Variants in ST6GALNAC3 observed in about 807,000 individuals in gnomAD.
The protein encoded by ST6GALNAC3 is ST6 N-acetylgalactosaminide alpha-2,6-sialyltransferase 3.
ST6GALNAC3 carries 25 observed loss-of-function variants against 32.7 expected under a neutral mutation model. The observed-to-expected ratio is 0.76, with a 90% CI of 0.56 to 1.07. The LOEUF is 1.07. ST6GALNAC3 is among the 50% of genes least tolerant of loss of function. The pLI, the probability that ST6GALNAC3 is intolerant of heterozygous loss-of-function variation, is 0.00. For synonymous variants in ST6GALNAC3, 129 were observed against 133.1 expected, an observed-to-expected ratio of 0.97 and a Z score of 0.21; for missense variants, 355 against 382.4, an observed-to-expected ratio of 0.93 and a Z score of 0.60.
intron 2 of ST6GALNAC3, 93 bp downstream of exon 2, chr1:76,314,092 C>A: frequency 4.0e-6 from 5 of 1,247,364 alleles, no homozygotes; most frequent in Non-Finnish European, 5.5e-6. Flanking sequence ...ACTGAACTTA[C>A]TCTGTCTGCC....
chr1:76,526,542 G>A (rs1662923515), intron 3 of ST6GALNAC3, among the ~76,000 whole-genome samples: 1 of 152,020 alleles, frequency 6.6e-6, no homozygotes, highest in African/African-American at 2.4e-5. Flanking sequence ...TGTTGACTCA[G>A]TGAGGTAGAA....
intron 3 of ST6GALNAC3, among the ~76,000 whole-genome samples, chr1:76,415,803 T>G (rs1025713002): frequency 6.6e-6 from 1 of 152,108 alleles, no homozygotes; most frequent in Admixed American, 6.6e-5. Context: ...TGGATTGGTC[T>G]TTGTTTCTTG....
chr1:76,479,045 A>G (rs114970002), intron 3 of ST6GALNAC3, among the ~76,000 whole-genome samples: 3,007 of 152,136 alleles, frequency 0.02, 44 homozygotes, highest in East Asian at 0.061. Flanking sequence ...TTACAGGCGT[A>G]ACCCACCATG....
intron 1 of ST6GALNAC3, among the ~76,000 whole-genome samples, chr1:76,082,909 A>C (rs1484707188): frequency 2.6e-5 from 4 of 151,930 alleles, no homozygotes; most frequent in Non-Finnish European, 2.9e-5. Flanking sequence ...TTCTCTGTGC[A>C]CACATAGCAA....
At chr1:76,428,960 A>T (rs774730434) in intron 3 of ST6GALNAC3, among the ~76,000 whole-genome samples, 1 of 152,138 alleles carries the variant, frequency 6.6e-6, no homozygotes, top group Non-Finnish European at 1.5e-5. Context: ...AAGAACCTTA[A>T]CTTTATAATG....
intron 1 of ST6GALNAC3, among the ~76,000 whole-genome samples, chr1:76,283,586 C>T (rs1377095732): frequency 6.6e-6 from 1 of 152,182 alleles, no homozygotes; most frequent in Non-Finnish European, 1.5e-5. Context: ...TGTGCTTCTC[C>T]ATGTCTTGCC....
intron 1 of ST6GALNAC3, among the ~76,000 whole-genome samples, chr1:76,268,376 G>A (rs1022309063): frequency 6.6e-6 from 1 of 152,182 alleles, no homozygotes; most frequent in African/African-American, 2.4e-5. Flanking sequence ...AGATTTAAGA[G>A]AGAGAAAGCA....
intron 3 of ST6GALNAC3, among the ~76,000 whole-genome samples, chr1:76,436,050 C>G (rs1656121829): frequency 6.6e-6 from 1 of 151,990 alleles, no homozygotes. Context: ...TTGCTTCACC[C>G]TTTTCTAAAA....
intron 3 of ST6GALNAC3, among the ~76,000 whole-genome samples, chr1:76,424,816 C>A (rs1200992671): frequency 1.3e-5 from 2 of 151,820 alleles, no homozygotes; most frequent in East Asian, 3.9e-4. Context: ...TCAGTGTATA[C>A]CTGATTTTAC....
intron 2 of ST6GALNAC3, among the ~76,000 whole-genome samples, chr1:76,354,565 T>C (rs1649285076): frequency 6.6e-6 from 1 of 152,206 alleles, no homozygotes; most frequent in South Asian, 2.1e-4. Context: ...ATTTAGAAGT[T>C]TTTGTTGACT....
chr1:76,166,619 T>C (rs1652142365), intron 1 of ST6GALNAC3, among the ~76,000 whole-genome samples: 1 of 152,226 alleles, frequency 6.6e-6, no homozygotes. Flanking sequence ...ATATCGATTC[T>C]TCCTATCCAT....
At chr1:76,578,013 G>T (rs1245889295) in intron 3 of ST6GALNAC3, among the ~76,000 whole-genome samples, 1 of 152,036 alleles carries the variant, frequency 6.6e-6, no homozygotes, top group Non-Finnish European at 1.5e-5. Flanking sequence ...TGTTTAAGCA[G>T]CAGAAATAAC....
intron 1 of ST6GALNAC3, among the ~76,000 whole-genome samples, chr1:76,241,936 G>A (rs1459683070): frequency 6.6e-6 from 1 of 152,168 alleles, no homozygotes; most frequent in African/African-American, 2.4e-5. Flanking sequence ...AGTGCAGGCG[G>A]ATATCCTCTA....
chr1:76,622,342 G>T (rs1054895977), intron 3 of ST6GALNAC3, among the ~76,000 whole-genome samples: 1 of 151,956 alleles, frequency 6.6e-6, no homozygotes, highest in African/African-American at 2.4e-5. Context: ...GATTTCTAAG[G>T]TTAAAAAGTA....
chr1:76,273,031 A>G (rs1163016628), intron 1 of ST6GALNAC3, among the ~76,000 whole-genome samples: 1 of 152,166 alleles, frequency 6.6e-6, no homozygotes, highest in Non-Finnish European at 1.5e-5. Context: ...TGCATTTATA[A>G]ATTTTTTTAA....
At chr1:76,082,908 C>T (rs1646916944) in intron 1 of ST6GALNAC3, among the ~76,000 whole-genome samples, 1 of 151,812 alleles carries the variant, frequency 6.6e-6, no homozygotes, top group African/African-American at 2.4e-5. Context: ...TTTCTCTGTG[C>T]ACACATAGCA....
rs60074050 is a variant in ST6GALNAC3, at chr1:76,176,530, C to T, written c.18+101646C>T. On this transcript the variant is annotated intron_variant, in intron 1 of 4. Coordinates refer to ENST00000328299, the MANE Select transcript of ST6GALNAC3 (RefSeq NM_152996.4). ...ACTCAGTAAAGAAAGACATCTGTGACGTTCAGTTCAAAATAGTTAATTATT... is the reference window on the plus strand; with the variant it reads ...ACTCAGTAAAGAAAGACATCTGTGATGTTCAGTTCAAAATAGTTAATTATT... Among the ~76,000 whole-genome samples, 836 of 152,248 alleles carry T rather than the reference C, an allele frequency of 5.5e-3. 10 individuals are homozygous for T. The highest frequency in any genetic ancestry group is 0.019 in the African/African-American group (784 of 41,526).
At chr1:76,330,240 C>T (rs1468561221) in intron 2 of ST6GALNAC3, among the ~76,000 whole-genome samples, 3 of 151,672 alleles carry the variant, frequency 2.0e-5, no homozygotes, top group African/African-American at 7.3e-5. Flanking sequence ...GCAACCTCTG[C>T]CTCCTAGGTT....
intron 3 of ST6GALNAC3, among the ~76,000 whole-genome samples, chr1:76,545,674 G>A (rs1664251077): frequency 9.9e-6 from 1 of 101,432 alleles, no homozygotes; most frequent in African/African-American, 3.7e-5. Context: ...TTTTTTTTTT[G>A]AGACGGAGTT....
Sources: gnomAD v4.1 joint callset for allele counts (sites outside exome capture counted in the v4.1 genomes callset) on GRCh38, gnomAD v4.1.1 for gene constraint, MANE v1.5 for transcripts, NCBI Gene and HGNC (gene_info 2026-07-23, HGNC 2026-07-21) for gene names.